Variants in GPR89A observed in about 807,000 individuals in gnomAD.
GPR89A encodes G protein-coupled receptor 89A.
Under a neutral mutation model 52.0 loss-of-function variants are expected in GPR89A, and 16 were observed. The ratio of observed to expected loss-of-function variants is 0.31; its 90% CI spans 0.21 to 0.47. The LOEUF is 0.47. Among genes scored for constraint, GPR89A ranks in the 20% least tolerant of loss-of-function variants. The pLI is 1.00. For synonymous variants in GPR89A, 55 were observed against 150.9 expected (o/e 0.36, Z 4.66); for missense variants, 135 against 449.4 (o/e 0.30, Z 6.33).
chr1:145,646,177 G>C lies in GPR89A; in HGVS notation c.728-7G>C. On this transcript the variant is annotated splice_region_variant and splice_polypyrimidine_tract_variant and intron_variant, in intron 8 of 13. Transcript: ENST00000313835. ...TGATTAAAACCTTGATGCCCATTCT[G>C]TGCCAGATCTTACTCTTATTCAACA... 1.2e-6 allele frequency: 2 copies of C among 1,612,784 alleles called. No homozygotes were observed. The highest frequency in any genetic ancestry group is 1.7e-6 in the Non-Finnish European group (2 of 1,178,978).
At chr1:145,663,521 G>T in intron 11 of GPR89A, 97 bp downstream of exon 11, 5 of 1,502,254 alleles carry the variant, frequency 3.3e-6, no homozygotes, top group Non-Finnish European at 4.5e-6. Context: ...TTAGGTACTT[G>T]CTTCTGCTTT....
intron 5 of GPR89A, among the ~76,000 whole-genome samples, chr1:145,629,552 A>G (rs1395152850): frequency 6.6e-6 from 1 of 152,224 alleles, no homozygotes; most frequent in Non-Finnish European, 1.5e-5. Flanking sequence ...TGGAGACCAT[A>G]CATTTGTAAT....
rs184622966 is a variant in GPR89A, at chr1:145,665,930, A to T, written c.1095+279A>T. Among the ~76,000 whole-genome samples, 4 of 151,992 alleles carry T rather than the reference A, an allele frequency of 2.6e-5. No homozygotes were observed. The East Asian group carries it at 7.8e-4, about 30-fold the overall frequency. On this transcript the variant is annotated intron_variant, in intron 12 of 13. Transcript: ENST00000313835. ...AATCACTTGAACCCAGGCAGCAGAG[A>T]TTGCAGTGAACCAAGGTCACACACT...
chr1:145,609,423 G>A (rs1648094534), intron 1 of GPR89A, among the ~76,000 whole-genome samples: 1 of 151,954 alleles, frequency 6.6e-6, no homozygotes, highest in Admixed American at 6.6e-5. Context: ...CTTTTCTATA[G>A]TTTTCATAAG....
chr1:145,612,318 A>T (rs1196778847), intron 1 of GPR89A: 1 of 151,862 alleles, frequency 6.6e-6, no homozygotes. Flanking sequence ...AACCATTCTT[A>T]CCTCCTTTCC....
chr1:145,655,998 G>A (rs1651781217), intron 10 of GPR89A, among the ~76,000 whole-genome samples: 1 of 151,992 alleles, frequency 6.6e-6, no homozygotes, highest in African/African-American at 2.4e-5. Flanking sequence ...TGACATTTCT[G>A]CAGGGAGGCC....
At position 145,608,043 on chromosome 1, in the gene GPR89A, A is replaced by G. The variant is rs1647918746; in HGVS notation, c.-91A>G. The G allele has an allele frequency of 8.6e-6, 13 of 1,504,220 alleles. No individual in the cohort carries two copies. In the South Asian group the frequency reaches 1.4e-4, roughly 16 times the overall value. The allele number at this position is 1,504,220 out of a possible 1,614,324, so 93.2% of individuals were successfully genotyped here. ...CAGTCCCGGCTGCAGCACCTGGGAG[A>G]AGGCAGACCGTGTGAGGGGGCCTGT... On this transcript the variant is annotated 5_prime_UTR_variant, in exon 1 of 14. Transcript: ENST00000313835.
In GPR89A at chr1:145,639,227, G is replaced by A. The variant is rs1453352248; in HGVS notation, c.618-4642G>A. Among the ~76,000 whole-genome samples, 4 of 151,728 alleles carry A rather than the reference G, an allele frequency of 2.6e-5. No individual in the cohort carries two copies. In the East Asian group the frequency reaches 7.7e-4, roughly 29 times the overall value. On this transcript the variant is annotated intron_variant, in intron 7 of 13. Coordinates refer to ENST00000313835, the MANE Select transcript of GPR89A (RefSeq NM_001097612.2). ...CCCCAAATTGGTATACAAATTTAATGTTATTCATTTCAAAATCCCAGCAAG... is the reference window on the plus strand; with the variant it reads ...CCCCAAATTGGTATACAAATTTAATATTATTCATTTCAAAATCCCAGCAAG...
intron 10 of GPR89A, among the ~76,000 whole-genome samples, chr1:145,655,763 G>A (rs1553694414): frequency 6.6e-6 from 1 of 152,192 alleles, no homozygotes; most frequent in East Asian, 1.9e-4. Context: ...CAGTCAGGAG[G>A]CACGGGATCA....
At chr1:145,637,693 AC>A (rs1303571662) in intron 7 of GPR89A, among the ~76,000 whole-genome samples, 1 of 152,066 alleles carries the variant, frequency 6.6e-6, no homozygotes. Flanking sequence ...AGTAACCATT[AC>A]AAATATATTC....
intron 12 of GPR89A, among the ~76,000 whole-genome samples, chr1:145,668,571 C>G (rs1652734142): frequency 6.6e-6 from 1 of 152,076 alleles, no homozygotes; most frequent in Non-Finnish European, 1.5e-5. Flanking sequence ...ATTTCTTTCT[C>G]CTGCCTGATT....
intron 7 of GPR89A, among the ~76,000 whole-genome samples, chr1:145,632,407 C>T (rs1649942208): frequency 6.6e-6 from 1 of 151,888 alleles, no homozygotes. Context: ...TCCATTCCTC[C>T]CACCCATCCA....
chr1:145,614,508 A>G (rs1375196760), intron 1 of GPR89A, among the ~76,000 whole-genome samples: 3 of 152,210 alleles, frequency 2.0e-5, no homozygotes, highest in Admixed American at 6.5e-5. Context: ...AGAATAAACC[A>G]TCTTTTATGT....
chr1:145,635,137 T>A (rs1158063338), intron 7 of GPR89A, among the ~76,000 whole-genome samples: 2 of 152,242 alleles, frequency 1.3e-5, no homozygotes, highest in Non-Finnish European at 2.9e-5. Flanking sequence ...CCAGGAGCAG[T>A]GGCTCACGCC....
chr1:145,645,160 G>A (rs1553692329), intron 8 of GPR89A: 1 of 167,844 alleles, frequency 6.0e-6, no homozygotes, highest in East Asian at 1.7e-4. Flanking sequence ...ATGATGAGTA[G>A]AGTATAGCCT....
chr1:145,634,041 T>C (rs1196604310), intron 7 of GPR89A, among the ~76,000 whole-genome samples: 4 of 151,812 alleles, frequency 2.6e-5, no homozygotes, highest in East Asian at 3.9e-4. Context: ...TGGACTGGTG[T>C]ATAATTTTTG....
At chr1:145,657,344 T>C (rs1332842736) in intron 10 of GPR89A, among the ~76,000 whole-genome samples, 1 of 147,216 alleles carries the variant, frequency 6.8e-6, no homozygotes, top group Non-Finnish European at 1.5e-5. Context: ...TGAGCTATTA[T>C]CACACCGCTG....
At chr1:145,620,320 A>G (rs1329378009) in intron 3 of GPR89A, among the ~76,000 whole-genome samples, 4 of 152,216 alleles carry the variant, frequency 2.6e-5, no homozygotes, top group African/African-American at 7.2e-5. Context: ...CCATGCTCCA[A>G]TAAACTTAAT....
At chr1:145,657,258 TG>T (rs1172361704) in intron 10 of GPR89A, among the ~76,000 whole-genome samples, 2 of 148,426 alleles carry the variant, frequency 1.3e-5, no homozygotes, top group East Asian at 1.9e-4. Flanking sequence ...CTGAGTGTGG[TG>T]GCATGCCTGT....
Sources: allele counts gnomAD v4.1 joint callset (sites outside exome capture counted in the v4.1 genomes callset), GRCh38; gene constraint gnomAD v4.1.1; transcripts MANE v1.5; gene names NCBI Gene and HGNC (gene_info 2026-07-23, HGNC 2026-07-21).